SLC24A3: variants seen among roughly 807,000 people sequenced by gnomAD.
The protein encoded by SLC24A3 is solute carrier family 24 member 3, also known as sodium/potassium/calcium exchanger 3.
A neutral mutation model predicts 75.8 loss-of-function variants in SLC24A3; 28 were observed. That is an observed-to-expected ratio of 0.37 (90% CI 0.27 to 0.51). The LOEUF is 0.51. Ranked by LOEUF, SLC24A3 falls within the 20% of genes least tolerant of loss-of-function variation. The probability of loss-of-function intolerance (pLI) is 0.94; values close to 1 mark genes in which losing one functional copy is unlikely to be tolerated. For missense variants in SLC24A3, 663 were observed against 847.8 expected (o/e 0.78, Z 2.71); for synonymous variants, 372 against 334.1 (o/e 1.11, Z -1.24).
intron 2 of SLC24A3, among the ~76,000 whole-genome samples, chr20:19,361,288 T>C (rs989849741): frequency 2.0e-5 from 3 of 152,216 alleles, no homozygotes; most frequent in South Asian, 2.1e-4. Flanking sequence ...CAGATCTTTG[T>C]TGGGAAAAGA....
At chr20:19,276,122 G>A (rs57255510) in intron 1 of SLC24A3, among the ~76,000 whole-genome samples, 1,942 of 152,234 alleles carry the variant, frequency 0.013, 47 homozygotes, top group African/African-American at 0.044. Flanking sequence ...CAGTGTGGGC[G>A]CCTCTCCGTA....
chr20:19,488,184 T>C (rs1237684605), intron 2 of SLC24A3, among the ~76,000 whole-genome samples: 1 of 152,220 alleles, frequency 6.6e-6, no homozygotes, highest in Non-Finnish European at 1.5e-5. Context: ...ATTGCAGCTA[T>C]AATCATGGGA....
At chr20:19,507,567 A>G (rs547479412) in intron 2 of SLC24A3, among the ~76,000 whole-genome samples, 1 of 152,344 alleles carries the variant, frequency 6.6e-6, no homozygotes, top group South Asian at 2.1e-4. Context: ...TGCTGAGACA[A>G]GAAAATGCAA....
At chr20:19,266,429 A>AT (rs1342907255) in intron 1 of SLC24A3, among the ~76,000 whole-genome samples, 1 of 152,212 alleles carries the variant, frequency 6.6e-6, no homozygotes, top group Non-Finnish European at 1.5e-5. Flanking sequence ...CTCATTGGTG[A>AT]TAACTGTACT....
intron 6 of SLC24A3, among the ~76,000 whole-genome samples, chr20:19,587,366 A>G (rs2031312781): frequency 6.6e-6 from 1 of 152,196 alleles, no homozygotes; most frequent in Admixed American, 6.5e-5. Context: ...GAACACCTGC[A>G]TCAAAGGCAA....
intron 12 of SLC24A3, among the ~76,000 whole-genome samples, chr20:19,687,974 C>G (rs2032697882): frequency 6.6e-6 from 1 of 152,124 alleles, no homozygotes; most frequent in East Asian, 1.9e-4. Context: ...GCTCAGGAAC[C>G]CCACATCCCC....
chr20:19,671,680 A>C (rs1416495627), intron 8 of SLC24A3, among the ~76,000 whole-genome samples: 1 of 150,890 alleles, frequency 6.6e-6, no homozygotes, highest in Non-Finnish European at 1.5e-5. Flanking sequence ...TGTTTTAAGG[A>C]GGCTAGGAAA....
chr20:19,651,597 C>A (rs895040950), intron 6 of SLC24A3, among the ~76,000 whole-genome samples: 1 of 151,978 alleles, frequency 6.6e-6, no homozygotes, highest in Non-Finnish European at 1.5e-5. Flanking sequence ...CCGTGGCTCA[C>A]GCCTGTAATC....
intron 6 of SLC24A3, among the ~76,000 whole-genome samples, chr20:19,629,032 A>G (rs2031901809): frequency 6.6e-6 from 1 of 152,198 alleles, no homozygotes; most frequent in Non-Finnish European, 1.5e-5. Context: ...AAATAAATTA[A>G]TAAATCTCCA....
intron 6 of SLC24A3, among the ~76,000 whole-genome samples, chr20:19,644,358 C>T (rs1312258930): frequency 6.6e-6 from 1 of 152,164 alleles, no homozygotes; most frequent in East Asian, 1.9e-4. Context: ...CTTGAGTCAC[C>T]TGGGCACCTC....
chr20:19,669,396 G>T (rs2032438421), intron 8 of SLC24A3, among the ~76,000 whole-genome samples: 1 of 152,122 alleles, frequency 6.6e-6, no homozygotes, highest in South Asian at 2.1e-4. Context: ...CGGCTGCTCG[G>T]GAGGCTGAGG....
rs1982055260 is a variant in SLC24A3, at chr20:19,232,619, C to T, written c.142+19635C>T. Among the ~76,000 whole-genome samples, 5 of 152,306 alleles carry T rather than the reference C, an allele frequency of 3.3e-5. No individual in the cohort carries two copies. The South Asian group carries it at 8.3e-4, about 25-fold the overall frequency. The stretch of plus-strand genomic sequence containing the variant: ...ATCATGTTAGCTCTCCAGGCATCAC[C>T]GTAGTAGTCCAGTAGCCTGCACTAG... On this transcript the variant is annotated intron_variant, in intron 1 of 16. Coordinates refer to ENST00000328041, the MANE Select transcript of SLC24A3 (RefSeq NM_020689.4).
intron 6 of SLC24A3, among the ~76,000 whole-genome samples, chr20:19,651,382 T>C (rs1388909040): frequency 1.5e-5 from 2 of 136,302 alleles, no homozygotes; most frequent in African/African-American, 6.3e-5. Context: ...TATATATATA[T>C]ATATATATAT....
At chr20:19,262,170 G>A (rs973860974) in intron 1 of SLC24A3, among the ~76,000 whole-genome samples, 5 of 152,016 alleles carry the variant, frequency 3.3e-5, no homozygotes, top group South Asian at 2.1e-4. Context: ...TTGGGAGGCC[G>A]AGGCGGGCGG....
chr20:19,289,279 G>A (rs1388776293), intron 2 of SLC24A3, among the ~76,000 whole-genome samples: 1 of 152,122 alleles, frequency 6.6e-6, no homozygotes, highest in African/African-American at 2.4e-5. Flanking sequence ...AAGAGTAAAA[G>A]TTTACCCCCT....
intron 1 of SLC24A3, among the ~76,000 whole-genome samples, chr20:19,245,290 TAGA>T (rs1349639283): frequency 6.6e-6 from 1 of 152,180 alleles, no homozygotes; most frequent in Non-Finnish European, 1.5e-5. Context: ...GCAGGATTCC[TAGA>T]AGAAGAATGG....
intron 15 of SLC24A3, among the ~76,000 whole-genome samples, chr20:19,705,962 C>CGTCT (rs1423479851): frequency 6.6e-6 from 1 of 152,142 alleles, no homozygotes; most frequent in Non-Finnish European, 1.5e-5. Flanking sequence ...TGGTGATGAA[C>CGTCT]GTCTGTTCCA....
chr20:19,300,392 A>G (rs1240918669), intron 2 of SLC24A3, among the ~76,000 whole-genome samples: 1 of 152,154 alleles, frequency 6.6e-6, no homozygotes, highest in African/African-American at 2.4e-5. Context: ...CAACAACCAG[A>G]GGTGTGGGTG....
At chr20:19,687,739 G>A (rs1435247948) in intron 12 of SLC24A3, among the ~76,000 whole-genome samples, 2 of 152,116 alleles carry the variant, frequency 1.3e-5, no homozygotes, top group African/African-American at 4.8e-5. Flanking sequence ...TTACTGATTG[G>A]GACCAAGCAC....
Sources: gnomAD v4.1 joint callset for allele counts (sites outside exome capture counted in the v4.1 genomes callset) on GRCh38, gnomAD v4.1.1 for gene constraint, MANE v1.5 for transcripts, NCBI Gene and HGNC (gene_info 2026-07-23, HGNC 2026-07-21) for gene names.